The following SLC49A3 variants were observed in gnomAD, a reference collection of about 807,000 sequenced individuals.
SLC49A3 encodes the protein solute carrier family 49 member A3.
In SLC49A3, 50 loss-of-function variants were observed where a neutral mutation model predicts 43.8. The ratio of observed to expected loss-of-function variants is 1.14; its 90% CI spans 0.91 to 1.45. SLC49A3 has a LOEUF of 1.45. Ranked by LOEUF, SLC49A3 falls within the 40% of genes most tolerant of loss-of-function variation. The pLI, the probability that SLC49A3 is intolerant of heterozygous loss-of-function variation, is 0.00. For missense variants in SLC49A3, 906 were observed against 774.1 expected (o/e 1.17, Z -2.02); for synonymous variants, 413 against 352.0 (o/e 1.17, Z -1.94).
At chr4:679,897 C>T (rs778043501), downstream of SLC49A3, 15 of 1,612,058 alleles carry the variant, frequency 9.3e-6, 1 homozygote, top group South Asian at 1.2e-4. Context: ...CCTGTGATGC[C>T]CCCATGTCTG....
downstream of SLC49A3, chr4:679,241 G>A: frequency 1.5e-6 from 1 of 683,686 alleles, no homozygotes; most frequent in Non-Finnish European, 2.6e-6. Context: ...AGACAGGGTG[G>A]GTGGGACAGC....
At chr4:688,786 G>T in intron 1 of SLC49A3, 1 of 683,162 alleles carries the variant, frequency 1.5e-6, no homozygotes, top group Non-Finnish European at 2.2e-6. Context: ...ATCCCCCGGG[G>T]CACCCAGCCC....
At chr4:684,925 G>C in intron 4 of SLC49A3, 69 bp from the exon 5 acceptor site, 1 of 1,530,240 alleles carries the variant, frequency 6.5e-7, no homozygotes, top group South Asian at 1.2e-5. Flanking sequence ...AGCCCTGCCT[G>C]TCCCAGGCGC....
At chr4:680,231 G>A (rs1254617094), downstream of SLC49A3, among the ~76,000 whole-genome samples, 1 of 152,078 alleles carries the variant, frequency 6.6e-6, no homozygotes, top group South Asian at 2.1e-4. Context: ...ACCCGCCGTC[G>A]ACACCTCTGT....
At chr4:683,056 G>A (rs1184042400) in intron 8 of SLC49A3, among the ~76,000 whole-genome samples, 154 bp downstream of exon 8, 2 of 152,198 alleles carry the variant, frequency 1.3e-5, no homozygotes, top group Non-Finnish European at 2.9e-5. Context: ...CCTGCACACA[G>A]CAGGTGCTCA....
downstream of SLC49A3, chr4:680,744 G>C: frequency 1.3e-6 from 1 of 771,414 alleles, no homozygotes; most frequent in Non-Finnish European, 2.1e-6. Context: ...TCCCAGCTGA[G>C]TGGGAGGCCA....
rs1323981915 is a variant in SLC49A3 at position 682,767 on chromosome 4, C to T, written c.1261+14G>A. ...CCTGTCCTGTTCCCTGGGGACTCCC[C>T]ATGTGAGGCTCACCTGTCCAGTCAA... On this transcript the variant is annotated intron_variant, in intron 9 of 9. Transcript: ENST00000322224. The T allele has an allele frequency of 1.9e-6, 3 of 1,551,654 alleles. No individual in the cohort carries two copies. Among genetic ancestry groups the T allele is most frequent in the Non-Finnish European group, 2.6e-6 (3 of 1,140,774 alleles).
At chr4:681,410 G>T (rs1739500771), downstream of SLC49A3, among the ~76,000 whole-genome samples, 1 of 151,984 alleles carries the variant, frequency 6.6e-6, no homozygotes, top group Non-Finnish European at 1.5e-5. Flanking sequence ...GGAGGGGCGG[G>T]GCTCACAGCT....
Position 683,326 on chromosome 4 carries a change from G to A in SLC49A3, c.1035C>T (p.Thr345=). The change falls in exon 8 of 10, where the codon ACC becomes ACT. Residue 345 remains threonine, a synonymous_variant. Coordinates refer to ENST00000322224, the MANE Select transcript of SLC49A3 (RefSeq NM_032219.4). ...LQGQTLALAA[T]CSLLGLFGFS... ...AGCCAAACAGCCCGAGCAGCGAGCA[G>A]GTGGCAGCCAGGGCAAGGGTCTGTC... The A allele has an allele frequency of 6.2e-7, 1 of 1,612,486 alleles. No individual in the cohort carries two copies. The highest frequency in any genetic ancestry group is 8.5e-7 in the Non-Finnish European group (1 of 1,179,750).
In SLC49A3 at chr4:689,069, T is replaced by G. The variant is rs1057340008; in HGVS notation, c.59A>C (p.Gln20Pro). 6 of 1,572,080 alleles carry G rather than the reference T, an allele frequency of 3.8e-6. No individual in the cohort carries two copies. The African/African-American group carries it at 8.4e-5, about 22-fold the overall frequency. Reference sequence around the variant, plus strand: ...GCGCGCGTAGGTGCGGTGGCCCCGCTGCGCGCACAGGGCCCGGGGCTCGGC... The same window carrying G: ...GCGCGCGTAGGTGCGGTGGCCCCGCGGCGCGCACAGGGCCCGGGGCTCGGC... ...GLAEPRALCA[Q>P]RGHRTYARRW... Residue 20 changes from glutamine (Q) to proline (P), a missense_variant, in exon 1 of 10, where the codon CAG (glutamine) becomes CCG (proline). Transcript: ENST00000322224.
chr4:678,481 G>A (rs1739081929), downstream of SLC49A3: 2 of 1,436,216 alleles, frequency 1.4e-6, no homozygotes, highest in African/African-American at 1.4e-5. Flanking sequence ...CAGCCGTCCT[G>A]CCCCCAACCC....
rs549702352 is a variant in SLC49A3, at chr4:688,453, G to C, written c.135+540C>G. Among the ~76,000 whole-genome samples, 7 of 152,344 alleles carry C rather than the reference G, an allele frequency of 4.6e-5. No individual in the cohort carries two copies. In the South Asian group the frequency reaches 1.0e-3, roughly 23 times the overall value. On this transcript the variant is annotated intron_variant, in intron 1 of 9. Coordinates refer to ENST00000322224, the MANE Select transcript of SLC49A3 (RefSeq NM_032219.4). ...CTAGCTGTTCATTGCACGTTGGCCA[G>C]ATACTGCCTGACCAGTTCCTGAGGC...
intron 1 of SLC49A3, among the ~76,000 whole-genome samples, 183 bp from the exon 2 acceptor site, chr4:686,873 C>T (rs1317079975): frequency 1.3e-5 from 2 of 152,200 alleles, no homozygotes; most frequent in African/African-American, 4.8e-5. Context: ...AGGGCGGGCA[C>T]CCAGCGCAGG....
At chr4:678,649 C>T, downstream of SLC49A3, 1 of 1,599,624 alleles carries the variant, frequency 6.3e-7, no homozygotes, top group Non-Finnish European at 8.5e-7. Context: ...CATGGTGCTC[C>T]CACCGCAGGC....
chr4:686,177 C>T lies in SLC49A3; in HGVS notation c.420G>A (p.Gln140=), dbSNP rs973884638. Reference sequence around the variant, plus strand: ...TGGCTGGAGAGAAGATGACCAGGCTCTGGGCAAGGGCACAGAGGCTCTGGC... The same window carrying T: ...TGGCTGGAGAGAAGATGACCAGGCTTTGGGCAAGGGCACAGAGGCTCTGGC... ...MGGQSLCALA[Q]SLVIFSPAKL... The change falls in exon 3 of 10, where the codon CAG becomes CAA. Residue 140 remains glutamine, a synonymous_variant. Transcript: ENST00000322224. The T allele has an allele frequency of 1.2e-6, 2 of 1,613,368 alleles. No individual in the cohort carries two copies. Among genetic ancestry groups the T allele is most frequent in the African/African-American group, 2.7e-5 (2 of 74,940 alleles).
downstream of SLC49A3, chr4:678,028 T>C: frequency 1.9e-6 from 3 of 1,613,262 alleles, no homozygotes; most frequent in South Asian, 1.1e-5. Context: ...GAAGCAGGCA[T>C]GGTGAGCAGG....
intron 7 of SLC49A3, 118 bp downstream of exon 7, chr4:683,491 C>T: frequency 6.7e-7 from 1 of 1,497,762 alleles, no homozygotes; most frequent in Non-Finnish European, 8.9e-7. Context: ...CCCTGGCTGG[C>T]AGAGGCTGGG....
upstream of SLC49A3, among the ~76,000 whole-genome samples, chr4:691,559 C>CA (rs1425334414): frequency 6.6e-6 from 1 of 151,452 alleles, no homozygotes; most frequent in African/African-American, 2.4e-5. Context: ...CGTGCCACTG[C>CA]ACTCCAACCT....
chr4:681,147 C>A, downstream of SLC49A3: 1 of 1,601,970 alleles, frequency 6.2e-7, no homozygotes, highest in South Asian at 1.1e-5. Context: ...AGAGGTCTGG[C>A]CCGCGGCTTC....
Sources: allele counts gnomAD v4.1 joint callset (sites outside exome capture counted in the v4.1 genomes callset), GRCh38; gene constraint gnomAD v4.1.1; transcripts MANE v1.5; gene names NCBI Gene and HGNC (gene_info 2026-07-23, HGNC 2026-07-21).